RP1: variants seen among roughly 807,000 people sequenced by gnomAD.
The protein encoded by RP1 is oxygen-regulated protein 1.
A neutral mutation model predicts 14.8 loss-of-function variants in RP1; 16 were observed. The ratio of observed to expected loss-of-function variants is 1.08; its 90% CI spans 0.73 to 1.65. The LOEUF (loss-of-function observed/expected upper bound fraction) is 1.65, where lower values mean the gene tolerates loss of function less well. Among genes scored for constraint, RP1 ranks in the 40% most tolerant of loss-of-function variants. The pLI, the probability that RP1 is intolerant of heterozygous loss-of-function variation, is 0.00. For missense variants in RP1, 2,631 were observed against 2,535.0 expected (o/e 1.04, Z -0.81); for synonymous variants, 876 against 883.6 (o/e 0.99, Z 0.15).
intron 3 of RP1, among the ~76,000 whole-genome samples, chr8:54,643,251 G>A (rs1365702578): frequency 1.3e-5 from 2 of 152,122 alleles, no homozygotes; most frequent in East Asian, 3.9e-4. Context: ...CATTTTAAAT[G>A]TACAATGTGA....
chr8:54,612,458 C>T (rs405998), upstream of RP1, among the ~76,000 whole-genome samples: 1 of 152,064 alleles, frequency 6.6e-6, no homozygotes, highest in Non-Finnish European at 1.5e-5. Flanking sequence ...TCCTCTGGAA[C>T]CTGCAAGCAT....
intron 12 of RP1, among the ~76,000 whole-genome samples, chr8:54,684,621 G>T (rs916299423): frequency 6.6e-6 from 1 of 152,134 alleles, no homozygotes; most frequent in Non-Finnish European, 1.5e-5. Context: ...AGTATTATCT[G>T]ATGGCTGTTT....
rs35978244 is a variant in RP1 at position 54,683,995 on chromosome 8, GTT to G, written c.1717+4079_1717+4080del. Among the ~76,000 whole-genome samples, 514 of 131,980 alleles carry G rather than the reference GTT, an allele frequency of 3.9e-3. 2 individuals are homozygous for G. Among genetic ancestry groups the G allele is most frequent in the Non-Finnish European group, 5.2e-3 (323 of 61,816 alleles). 86.6% of individuals were successfully genotyped at this position (131,980 alleles called of 152,430 possible). On this transcript the variant is annotated intron_variant, in intron 12 of 22. Transcript: ENST00000636932. Reference sequence around the variant, plus strand: ...TCCTTCAATACCTAGTTGCTTGAGAGTTTTTTTTTTTTTTTTTTAACATGAAG... The same window carrying G: ...TCCTTCAATACCTAGTTGCTTGAGAGTTTTTTTTTTTTTTTTAACATGAAG...
At chr8:54,744,445 C>T (rs981068931) in intron 19 of RP1, among the ~76,000 whole-genome samples, 1 of 152,098 alleles carries the variant, frequency 6.6e-6, no homozygotes, top group African/African-American at 2.4e-5. Flanking sequence ...ATAATTTGTT[C>T]CCCAATGAAA....
At chr8:54,841,566 GC>G (rs1811791102) in intron 25 of RP1, among the ~76,000 whole-genome samples, 1 of 152,150 alleles carries the variant, frequency 6.6e-6, no homozygotes, top group Non-Finnish European at 1.5e-5. Context: ...TTCTTTGGGG[GC>G]TGAGCTACAT....
chr8:54,808,751 G>A (rs1404929749), intron 24 of RP1, among the ~76,000 whole-genome samples: 2 of 152,184 alleles, frequency 1.3e-5, no homozygotes, highest in Non-Finnish European at 2.9e-5. Flanking sequence ...AAATTTGGAA[G>A]GGACTGATGA....
chr8:54,642,307 C>T (rs371892005), intron 3 of RP1, among the ~76,000 whole-genome samples: 18 of 152,014 alleles, frequency 1.2e-4, no homozygotes, highest in East Asian at 9.6e-4. Context: ...TTTCTCTTTA[C>T]ATACTTAACC....
intron 24 of RP1, among the ~76,000 whole-genome samples, chr8:54,831,822 T>G (rs184099132): frequency 1.5e-3 from 223 of 151,762 alleles, no homozygotes; most frequent in African/African-American, 5.3e-3. Flanking sequence ...TCTCTTTGCA[T>G]TTTTTGTAGT....
At chr8:54,649,027 A>G in exon 4 of RP1, 1 of 1,527,344 alleles carries the variant, frequency 6.5e-7, no homozygotes, top group Non-Finnish European at 8.7e-7. Context: ...GACTTGCCAG[A>G]TGCAGGGACC....
In RP1 at chr8:54,838,877, G is replaced by C. The variant is rs563455691; in HGVS notation, c.3835+1208G>C. Among the ~76,000 whole-genome samples, 272 of 152,252 alleles carry C rather than the reference G, an allele frequency of 1.8e-3. 1 individual carries two copies. Among genetic ancestry groups the C allele is most frequent in the African/African-American group, 6.4e-3 (264 of 41,560 alleles). The stretch of plus-strand genomic sequence containing the variant: ...CATGCAAGCTACTTAGCCTCCCTTA[G>C]CCAAGAATGCCTTGTCTGTAAAATG... On this transcript the variant is annotated intron_variant, in intron 25 of 28. Transcript: ENST00000637698.
chr8:54,707,413 G>A (rs2129345497), intron 15 of RP1, among the ~76,000 whole-genome samples: 1 of 152,312 alleles, frequency 6.6e-6, no homozygotes, highest in East Asian at 1.9e-4. Flanking sequence ...CTAAGACACT[G>A]TGCCCAGACA....
intron 1 of RP1, among the ~76,000 whole-genome samples, chr8:54,610,583 C>T (rs573233839): frequency 1.3e-5 from 2 of 152,308 alleles, no homozygotes; most frequent in East Asian, 1.9e-4. Context: ...TATTCACTAT[C>T]ACCTCCCACT....
intron 15 of RP1, chr8:54,706,701 G>T: frequency 6.6e-7 from 1 of 1,524,766 alleles, no homozygotes; most frequent in South Asian, 1.2e-5. Context: ...TAAGACATTT[G>T]CCAGTTGTAG....
At chr8:54,678,649 G>C (rs960898378) in intron 9 of RP1, 2 of 792,234 alleles carry the variant, frequency 2.5e-6, no homozygotes, top group South Asian at 1.9e-5. Context: ...TCTTTGTTGG[G>C]TAACTTTTGT....
chr8:54,780,045 T>G (rs1810144438), intron 23 of RP1, among the ~76,000 whole-genome samples: 1 of 152,202 alleles, frequency 6.6e-6, no homozygotes, highest in African/African-American at 2.4e-5. Context: ...CTTTAGTTAG[T>G]GCTGCAATTG....
At chr8:54,624,575 T>C in intron 3 of RP1, 95 bp from the exon 4 acceptor site, 6 of 1,246,064 alleles carry the variant, frequency 4.8e-6, no homozygotes, top group Non-Finnish European at 7.0e-6. Context: ...TTTCTCTTTC[T>C]TTTTTTGCTG....
chr8:54,772,058 A>T (rs1356372698), downstream of RP1, among the ~76,000 whole-genome samples: 1 of 152,124 alleles, frequency 6.6e-6, no homozygotes, highest in Non-Finnish European at 1.5e-5. Flanking sequence ...ACTAAGTACA[A>T]TTATGCACCA....
At chr8:54,725,630 T>C (rs1443244025) in intron 16 of RP1, among the ~76,000 whole-genome samples, 1 of 152,210 alleles carries the variant, frequency 6.6e-6, no homozygotes, top group African/African-American at 2.4e-5. Context: ...TCTTACTCTT[T>C]ATCTTATAGA....
At chr8:54,636,807 A>G (rs1008821910) in intron 3 of RP1, among the ~76,000 whole-genome samples, 4 of 152,234 alleles carry the variant, frequency 2.6e-5, no homozygotes, top group African/African-American at 9.6e-5. Flanking sequence ...TGTGGTATAG[A>G]GAATCCAAAA....
Sources: gnomAD v4.1 joint callset for allele counts (sites outside exome capture counted in the v4.1 genomes callset) on GRCh38, gnomAD v4.1.1 for gene constraint, MANE v1.5 for transcripts, NCBI Gene and HGNC (gene_info 2026-07-23, HGNC 2026-07-21) for gene names.